Variants in SH3BGRL2 observed in about 807,000 individuals in gnomAD.
The protein encoded by SH3BGRL2 is SH3 domain-binding glutamic acid-rich-like protein 2.
In SH3BGRL2, 21 loss-of-function variants were observed where a neutral mutation model predicts 14.8. The observed-to-expected ratio is 1.42, with a 90% CI of 1.01 to 2.05. The LOEUF is 2.05. SH3BGRL2 is among the 30% of genes most tolerant of loss of function. SH3BGRL2 has a pLI of 0.00. For synonymous variants in SH3BGRL2, 50 were observed against 47.8 expected, an observed-to-expected ratio of 1.05 and a Z score of -0.19; for missense variants, 147 against 130.8, an observed-to-expected ratio of 1.12 and a Z score of -0.61.
chr6:79,696,354 T>A, intron 2 of SH3BGRL2, 131 bp from the exon 3 acceptor site: 1 of 621,224 alleles, frequency 1.6e-6, no homozygotes, highest in Non-Finnish European at 2.7e-6. Flanking sequence ...AGCAGATTTA[T>A]TTAGCTTTTC....
At chr6:79,686,699 T>C (rs946975809) in intron 2 of SH3BGRL2, among the ~76,000 whole-genome samples, 6 of 152,204 alleles carry the variant, frequency 3.9e-5, no homozygotes, top group Non-Finnish European at 5.9e-5. Flanking sequence ...TTGTATATTC[T>C]GTAAGTTATC....
At chr6:79,542,228 C>T in the SH3BGRL2 span, among the ~76,000 whole-genome samples, 4 of 151,926 alleles carry the variant, frequency 2.6e-5, no homozygotes, top group Middle Eastern at 0.01. Flanking sequence ...AGTTATATGC[C>T]TTTTGTTTCT....
chr6:79,556,392 C>T, the SH3BGRL2 span, among the ~76,000 whole-genome samples: 1 of 152,098 alleles, frequency 6.6e-6, no homozygotes, highest in Non-Finnish European at 1.5e-5. Context: ...AGAGAATTTA[C>T]TATGTTAGCA....
chr6:79,590,422 GTGATATATATATATAT>G, the SH3BGRL2 span, among the ~76,000 whole-genome samples: 3 of 46,486 alleles, frequency 6.5e-5, no homozygotes, highest in East Asian at 1.7e-3. Context: ...TAAAGAAAAT[GTGATATATATATATAT>G]ATATATATAT....
chr6:79,655,442 T>C (rs1422394941), intron 1 of SH3BGRL2, among the ~76,000 whole-genome samples: 4 of 152,064 alleles, frequency 2.6e-5, no homozygotes. Flanking sequence ...TATTGAGATA[T>C]GATTAGCATA....
chr6:79,620,590 G>C, the SH3BGRL2 span, among the ~76,000 whole-genome samples: 1 of 151,934 alleles, frequency 6.6e-6, no homozygotes, highest in East Asian at 1.9e-4. Flanking sequence ...AGCAGAAGGT[G>C]AAGTAATGAT....
At chr6:79,673,829 T>A in intron 2 of SH3BGRL2, 30 bp downstream of exon 2, 1 of 1,599,168 alleles carries the variant, frequency 6.3e-7, no homozygotes, top group Non-Finnish European at 8.5e-7. Context: ...TCATGCTGTT[T>A]CTTTTTATTG....
the SH3BGRL2 span, among the ~76,000 whole-genome samples, chr6:79,557,207 T>G: frequency 6.6e-6 from 1 of 151,812 alleles, no homozygotes; most frequent in East Asian, 1.9e-4. Context: ...AAAATAAAAA[T>G]TTTTTACTTT....
the SH3BGRL2 span, among the ~76,000 whole-genome samples, chr6:79,567,945 A>C: frequency 3.7e-4 from 56 of 152,198 alleles, no homozygotes; most frequent in Non-Finnish European, 5.6e-4. Context: ...TATCCATTTC[A>C]CAGAAGAGGA....
the SH3BGRL2 span, among the ~76,000 whole-genome samples, chr6:79,555,998 G>A: frequency 6.6e-6 from 1 of 152,068 alleles, no homozygotes; most frequent in Non-Finnish European, 1.5e-5. Flanking sequence ...GGGACATGTC[G>A]TGGGCTTAGG....
chr6:79,664,885 A>C (rs1769624534), intron 1 of SH3BGRL2, among the ~76,000 whole-genome samples: 1 of 152,200 alleles, frequency 6.6e-6, no homozygotes, highest in Non-Finnish European at 1.5e-5. Context: ...TAGGTAGCCT[A>C]CTACTAATAA....
intron 2 of SH3BGRL2, among the ~76,000 whole-genome samples, chr6:79,678,243 A>C (rs550968661): frequency 3.3e-5 from 5 of 152,310 alleles, no homozygotes; most frequent in African/African-American, 1.2e-4. Flanking sequence ...ACAGATCCCT[A>C]GAACTTTTTC....
chr6:79,656,074 C>T (rs1441374483), intron 1 of SH3BGRL2, among the ~76,000 whole-genome samples: 1 of 152,164 alleles, frequency 6.6e-6, no homozygotes, highest in South Asian at 2.1e-4. Flanking sequence ...GGCATGAAAT[C>T]ATCTAATTTA....
Position 79,686,805 on chromosome 6 carries a change from G to A in SH3BGRL2, c.232-9680G>A, listed in dbSNP as rs186328263. 1.3e-5 allele frequency among the ~76,000 whole-genome samples: 2 copies of A among 152,276 alleles called. 1 individual carries two copies. The highest frequency in any genetic ancestry group is 1.3e-4 in the Admixed American group (2 of 15,294). On this transcript the variant is annotated intron_variant, in intron 2 of 3. Coordinates refer to ENST00000369838, the MANE Select transcript of SH3BGRL2 (RefSeq NM_031469.4). ...GTAACTCACAGACCTGCTTTCCTTT[G>A]AGCAGGAGGGCTAAATAAGACTGTG...
At chr6:79,606,185 T>C in the SH3BGRL2 span, among the ~76,000 whole-genome samples, 462 of 152,164 alleles carry the variant, frequency 3.0e-3, 1 homozygote, top group Non-Finnish European at 5.9e-3. Context: ...CTGGTGGGAA[T>C]TGCAAGGCAT....
the SH3BGRL2 span, among the ~76,000 whole-genome samples, chr6:79,588,582 A>T: frequency 6.6e-6 from 1 of 152,156 alleles, no homozygotes; most frequent in African/African-American, 2.4e-5. Context: ...CTAATATACC[A>T]AAGTGGCATA....
chr6:79,676,601 A>ATGTGTGTGTG (rs1470702025), intron 2 of SH3BGRL2, among the ~76,000 whole-genome samples: 4 of 114,406 alleles, frequency 3.5e-5, no homozygotes, highest in Non-Finnish European at 5.4e-5. Flanking sequence ...TTATGTCTTT[A>ATGTGTGTGTG]TGTATGTGTG....
chr6:79,568,555 C>A, the SH3BGRL2 span, among the ~76,000 whole-genome samples: 1 of 151,870 alleles, frequency 6.6e-6, no homozygotes, highest in African/African-American at 2.4e-5. Context: ...GGAATACATA[C>A]ATTTTTATAA....
At chr6:79,647,002 T>C (rs1769157291) in intron 1 of SH3BGRL2, among the ~76,000 whole-genome samples, 1 of 152,222 alleles carries the variant, frequency 6.6e-6, no homozygotes, top group Non-Finnish European at 1.5e-5. Context: ...TCTGAACGTT[T>C]GCGTATAAGT....
Sources: gnomAD v4.1 joint callset for allele counts (sites outside exome capture counted in the v4.1 genomes callset) on GRCh38, gnomAD v4.1.1 for gene constraint, MANE v1.5 for transcripts, NCBI Gene and HGNC (gene_info 2026-07-23, HGNC 2026-07-21) for gene names.